ADGRB1: variants seen among roughly 807,000 people sequenced by gnomAD.
The protein encoded by ADGRB1 is adhesion G protein-coupled receptor B1, also known as brain-specific angiogenesis inhibitor 1.
ADGRB1 carries 36 observed loss-of-function variants against 175.7 expected under a neutral mutation model. The observed-to-expected ratio is 0.20, with a 90% CI of 0.16 to 0.27. ADGRB1 has a LOEUF of 0.27. ADGRB1 is among the 10% of genes least tolerant of loss of function. ADGRB1 has a pLI of 1.00. For synonymous variants in ADGRB1, 1,054 were observed against 979.4 expected, an observed-to-expected ratio of 1.08 and a Z score of -1.42; for missense variants, 1,731 against 2,255.3, an observed-to-expected ratio of 0.77 and a Z score of 4.71.
chr8:142,524,278 G>T lies in ADGRB1; in HGVS notation c.3286G>T (p.Val1096Leu). Residue 1096 changes from valine (V) to leucine (L), a missense_variant, in exon 23 of 31, where the codon GTG (valine) becomes TTG (leucine). By Grantham distance (32) the Val-to-Leu change is conservative. This residue lies in a region of ADGRB1 where 301 missense variants were observed against 488.4 expected (regional missense o/e 0.62). Coordinates refer to ENST00000517894, the MANE Select transcript of ADGRB1 (RefSeq NM_001702.3). ...GGAGGGGGGACTGCTCTATGCCTTC[G>T]TGGGACCTGCCGCTGCCGTTGTGCT... ...SLEGGLLYAF[V>L]GPAAAVVLVN... The T allele has an allele frequency of 6.3e-7, 1 of 1,599,568 alleles. No homozygotes were observed.
chr8:142,538,737 G>C (rs1479670092), intron 26 of ADGRB1, among the ~76,000 whole-genome samples: 1 of 152,174 alleles, frequency 6.6e-6, no homozygotes, highest in East Asian at 1.9e-4. Flanking sequence ...GGCTGCCTGA[G>C]GGTGGTGGGT....
In ADGRB1 at chr8:142,526,528, T is replaced by G; in HGVS notation, c.3313-14T>G. ...GCCCCCACCCCCACACCCCCACCAC[T>G]CTCTGCCCGGCAGGTGAACATGGTC... On this transcript the variant is annotated splice_polypyrimidine_tract_variant and intron_variant, in intron 23 of 30. Transcript: ENST00000517894. 1 of 484,334 alleles carries G rather than the reference T, an allele frequency of 2.1e-6. No individual in the cohort carries two copies. Among genetic ancestry groups the G allele is most frequent in the Non-Finnish European group, 3.2e-6 (1 of 315,912 alleles). The allele number at this position is 484,334 out of a possible 1,614,324, so 30.0% of individuals were successfully genotyped here.
chr8:142,539,828 G>T (rs957526051), intron 27 of ADGRB1: 1 of 225,500 alleles, frequency 4.4e-6, no homozygotes, highest in Non-Finnish European at 8.7e-6. Context: ...CCTGTGTTCT[G>T]TGCCACCTTC....
intron 19 of ADGRB1, 103 bp from the exon 20 acceptor site, chr8:142,520,720 C>A: frequency 1.1e-6 from 1 of 899,398 alleles, no homozygotes; most frequent in Non-Finnish European, 1.8e-6. Flanking sequence ...ACAATGCCTG[C>A]AGGAAGTGGG....
chr8:142,526,513 C>CCCCCCCCCCCCCCA, intron 23 of ADGRB1, 29 bp from the exon 24 acceptor site: 1 of 1,363,506 alleles, frequency 7.3e-7, no homozygotes, highest in Non-Finnish European at 1.0e-6. Flanking sequence ...GCCCCCACCC[C>CCCCCCCCCCCCCCA]CACACCCCCA....
Position 142,505,289 on chromosome 8 carries a change from G to C in ADGRB1, c.2676-5643G>C, listed in dbSNP as rs528994510. 4.5e-3 allele frequency among the ~76,000 whole-genome samples: 690 copies of C among 152,320 alleles called. 6 individuals carry two copies. The highest frequency in any genetic ancestry group is 0.015 in the African/African-American group (644 of 41,578). On this transcript the variant is annotated intron_variant, in intron 17 of 30. Transcript: ENST00000517894. ...ACAAGCATCGTCTAGGCGCTTGCCG[G>C]GGGTGCAGGGCAGGGGCCCCAAGAG...
chr8:142,506,162 C>T lies in ADGRB1; in HGVS notation c.2676-4770C>T, dbSNP rs768023855. Among the ~76,000 whole-genome samples the T allele has an allele frequency of 2.6e-5, 4 of 152,328 alleles. No individual in the cohort carries two copies. The East Asian group carries it at 7.7e-4, about 29-fold the overall frequency. On this transcript the variant is annotated intron_variant, in intron 17 of 30. Coordinates refer to ENST00000517894, the MANE Select transcript of ADGRB1 (RefSeq NM_001702.3). The stretch of plus-strand genomic sequence containing the variant: ...AGAACTTGTCCCTTGGGTTTCTTGG[C>T]ACGGAGGTCCTTGGCGACCTTGGCA...
At chr8:142,535,290 G>C (rs767911776) in intron 25 of ADGRB1, among the ~76,000 whole-genome samples, 2 of 152,166 alleles carry the variant, frequency 1.3e-5, no homozygotes, top group Non-Finnish European at 2.9e-5. Flanking sequence ...TGGCACTGGG[G>C]GTCTCAGATG....
Position 142,542,535 on chromosome 8 carries a change from C to T in ADGRB1, c.4301C>T (p.Pro1434Leu), listed in dbSNP as rs997038357. 2.0e-5 allele frequency: 30 copies of T among 1,506,280 alleles called. No individual in the cohort carries two copies. The highest frequency in any genetic ancestry group is 1.7e-4 in the Middle Eastern group (1 of 5,852). 93.3% of individuals were successfully genotyped at this position (1,506,280 alleles called of 1,614,324 possible). A position where few individuals can be genotyped will look rare whatever the true frequency, so the allele number is the denominator to read the frequency against. The change falls in exon 28 of 31, where the codon CCG (proline) becomes CTG (leucine). Residue 1434 changes from proline to leucine, a missense_variant. Pro to Leu is a moderately conservative substitution (Grantham distance 98). Transcript: ENST00000517894. This position sits in a 1 kb window ranked among gnomAD's most constrained non-coding sequence, Gnocchi z 6.3. ...CTGCCCCCACCGCCCAATCTGGAGC[C>T]GGCACCCCCCAGCCTGGGGGATCCC... ...QPLPPPPNLEPAPPSLGDPGE... is the reference protein window; with the variant it reads ...QPLPPPPNLELAPPSLGDPGE...
rs772974645 is a variant in ADGRB1 at position 142,477,473 on chromosome 8, G to GC, written c.1318dup (p.Gln440ProfsTer8). 3.1e-6 allele frequency: 5 copies of GC among 1,612,840 alleles called. No homozygotes were observed. The highest frequency in any genetic ancestry group is 8.5e-7 in the Non-Finnish European group (1 of 1,179,812). On this transcript the variant is annotated frameshift_variant, in exon 6 of 31. Transcript: ENST00000517894. LOFTEE classifies it high-confidence loss of function. Reference sequence around the variant, plus strand: ...TTCGGGATCGCACGCGCACCTGCAGGCCCCCCCAGTTTGGGGGCAACCCCT... The same window carrying GC: ...TTCGGGATCGCACGCGCACCTGCAGGCCCCCCCCAGTTTGGGGGCAACCCCT...
chr8:142,534,368 T>C (rs923608150), intron 25 of ADGRB1, among the ~76,000 whole-genome samples: 1 of 152,180 alleles, frequency 6.6e-6, no homozygotes, highest in South Asian at 2.1e-4. Flanking sequence ...GGCCTGGGCC[T>C]CACTCTCTGG....
intron 17 of ADGRB1, among the ~76,000 whole-genome samples, chr8:142,497,275 C>T (rs1011710202): frequency 7.9e-5 from 12 of 152,192 alleles, no homozygotes; most frequent in Non-Finnish European, 1.5e-4. Flanking sequence ...ACCCTGGTCC[C>T]TCCCTGGGAC....
chr8:142,544,306 G>T lies in ADGRB1; in HGVS notation c.4644G>T (p.Leu1548=). 1 of 1,549,208 alleles carries T rather than the reference G, an allele frequency of 6.5e-7. No homozygotes were observed. The highest frequency in any genetic ancestry group is 8.7e-7 in the Non-Finnish European group (1 of 1,146,492). Residue 1548 remains leucine, a synonymous_variant, in exon 31 of 31, where the codon CTG becomes CTT. Transcript: ENST00000517894. ...HGTPTWVKKE[L]EPLQPSPLEL... ...CGCCCACGTGGGTGAAGAAGGAGCT[G>T]GAGCCGCTGCAGCCGTCGCCGCTGG...
chr8:142,501,772 G>T (rs1842566537), intron 17 of ADGRB1, among the ~76,000 whole-genome samples: 1 of 57,256 alleles, frequency 1.7e-5, no homozygotes, highest in African/African-American at 4.0e-5. Flanking sequence ...GTGGGGTGGT[G>T]GTAGGGATGG....
chr8:142,470,048 C>T (rs898064526), intron 2 of ADGRB1, among the ~76,000 whole-genome samples: 1 of 152,234 alleles, frequency 6.6e-6, no homozygotes, highest in African/African-American at 2.4e-5. Context: ...GGCCCATTTT[C>T]AGCCCTGCCC....
intron 16 of ADGRB1, 45 bp downstream of exon 16, chr8:142,489,483 T>A (rs781281357): frequency 1.3e-6 from 2 of 1,583,934 alleles, no homozygotes; most frequent in African/African-American, 2.7e-5. Flanking sequence ...CAGAAACGCG[T>A]GTGCGCGAAT....
intron 2 of ADGRB1, among the ~76,000 whole-genome samples, chr8:142,470,096 C>T (rs1367719815): frequency 1.3e-5 from 2 of 152,312 alleles, no homozygotes; most frequent in East Asian, 1.9e-4. Flanking sequence ...GGCCACGTCA[C>T]GCGTCAGACT....
intron 18 of ADGRB1, among the ~76,000 whole-genome samples, chr8:142,516,306 G>A (rs1426885145): frequency 7.0e-5 from 10 of 142,092 alleles, no homozygotes; most frequent in Admixed American, 5.3e-4. Context: ...CCAGGTGCAT[G>A]CGTGTGTGCG....
intron 17 of ADGRB1, among the ~76,000 whole-genome samples, chr8:142,507,900 C>T (rs138363452): frequency 6.6e-6 from 1 of 152,162 alleles, no homozygotes; most frequent in Non-Finnish European, 1.5e-5. Context: ...TGCTGGCCAT[C>T]TTGGTGTCTG....
Sources: gnomAD v4.1 joint callset for allele counts (sites outside exome capture counted in the v4.1 genomes callset) on GRCh38, gnomAD v4.1.1 for gene constraint, gnomAD v4.1.1 regional missense constraint, Gnocchi (gnomAD v3.1) non-coding constraint, MANE v1.5 for transcripts, NCBI Gene and HGNC (gene_info 2026-07-23, HGNC 2026-07-21) for gene names.